Variants in ACSS3 observed in about 807,000 individuals in gnomAD.
The protein encoded by ACSS3 is acyl-CoA synthetase short chain family member 3, also known as acyl-CoA synthetase short-chain family member 3, mitochondrial.
Under a neutral mutation model 84.2 loss-of-function variants are expected in ACSS3, and 64 were observed. The ratio of observed to expected loss-of-function variants is 0.76; its 90% CI spans 0.62 to 0.94. The LOEUF (loss-of-function observed/expected upper bound fraction) is 0.94. Among genes scored for constraint, ACSS3 ranks in the 40% least tolerant of loss-of-function variants. The pLI is 0.00. For missense variants in ACSS3, 815 were observed against 867.6 expected (o/e 0.94, Z 0.76); for synonymous variants, 317 against 310.1 (o/e 1.02, Z -0.23).
rs541488598 is a variant in ACSS3, at chr12:81,251,475, G to T, written c.1720-1832G>T. Among the ~76,000 whole-genome samples the T allele has an allele frequency of 1.6e-4, 25 of 152,096 alleles. 1 individual carries two copies. In the South Asian group the frequency reaches 5.2e-3, roughly 32 times the overall value. Reference sequence around the variant, plus strand: ...TGGGGGAGGCTATGTATATGTAGTGGTAAGATGTATATGAGAATCCTACTT... The same window carrying T: ...TGGGGGAGGCTATGTATATGTAGTGTTAAGATGTATATGAGAATCCTACTT... On this transcript the variant is annotated intron_variant, in intron 13 of 15. Transcript: ENST00000548058.
At chr12:81,168,461 G>A (rs999136695) in intron 7 of ACSS3, among the ~76,000 whole-genome samples, 1 of 152,062 alleles carries the variant, frequency 6.6e-6, no homozygotes, top group African/African-American at 2.4e-5. Flanking sequence ...TCTGAAGTTC[G>A]AGTCAGGAAC....
chr12:81,129,370 A>G (rs1242054151), intron 2 of ACSS3, among the ~76,000 whole-genome samples: 1 of 152,172 alleles, frequency 6.6e-6, no homozygotes, highest in Non-Finnish European at 1.5e-5. Flanking sequence ...TGCCCCTGGG[A>G]ATAGTGAGTT....
intron 3 of ACSS3, among the ~76,000 whole-genome samples, chr12:81,135,693 A>G (rs2574732): frequency 0.87 from 131,684 of 151,688 alleles, 58,715 homozygotes; most frequent in Middle Eastern, 0.97. Context: ...ACGGGGATAA[A>G]GGATGAAAAA....
chr12:81,184,735 G>A (rs1438783368), intron 8 of ACSS3, among the ~76,000 whole-genome samples: 1 of 151,592 alleles, frequency 6.6e-6, no homozygotes, highest in Non-Finnish European at 1.5e-5. Context: ...AGTGATTTGA[G>A]AAGTAATCAA....
chr12:81,080,255 G>T (rs913991255), intron 1 of ACSS3, among the ~76,000 whole-genome samples: 36 of 151,952 alleles, frequency 2.4e-4, no homozygotes, highest in African/African-American at 8.7e-4. Flanking sequence ...CCAGGAGAGA[G>T]CTTTGGAAGT....
chr12:81,250,520 G>T (rs2034119757), intron 13 of ACSS3, among the ~76,000 whole-genome samples: 1 of 151,724 alleles, frequency 6.6e-6, no homozygotes, highest in East Asian at 1.9e-4. Flanking sequence ...TTTCCCATCC[G>T]CTTCTAAAAG....
intron 8 of ACSS3, among the ~76,000 whole-genome samples, chr12:81,182,043 G>T (rs963102999): frequency 6.6e-6 from 1 of 152,100 alleles, no homozygotes; most frequent in Non-Finnish European, 1.5e-5. Context: ...GAGAGATATG[G>T]ATATTCAGAT....
chr12:81,196,048 A>G (rs1281928125), intron 8 of ACSS3, among the ~76,000 whole-genome samples: 1 of 152,224 alleles, frequency 6.6e-6, no homozygotes, highest in African/African-American at 2.4e-5. Flanking sequence ...ATAAAACATT[A>G]AGTAATAGAT....
intron 9 of ACSS3, among the ~76,000 whole-genome samples, chr12:81,209,121 C>A (rs568442384): frequency 6.6e-6 from 1 of 151,966 alleles, no homozygotes; most frequent in African/African-American, 2.4e-5. Flanking sequence ...TTTTAGGCCC[C>A]TGATCTTTAT....
At chr12:81,186,360 G>A (rs978165948) in intron 8 of ACSS3, among the ~76,000 whole-genome samples, 2 of 151,668 alleles carry the variant, frequency 1.3e-5, no homozygotes, top group Non-Finnish European at 3.0e-5. Context: ...TGAATAAATG[G>A]AATTACATGA....
chr12:81,213,610 C>G (rs1311862252), intron 9 of ACSS3, among the ~76,000 whole-genome samples: 1 of 22,182 alleles, frequency 4.5e-5, no homozygotes, highest in Non-Finnish European at 8.8e-5. Context: ...CCCTCCCCTC[C>G]CCTCCCCTCC....
At chr12:81,228,297 T>C (rs2033338540) in intron 11 of ACSS3, among the ~76,000 whole-genome samples, 1 of 151,818 alleles carries the variant, frequency 6.6e-6, no homozygotes, top group Non-Finnish European at 1.5e-5. Flanking sequence ...CCCCATGGTG[T>C]GTTATTCTTA....
chr12:81,232,636 A>T (rs1005058026), intron 12 of ACSS3, among the ~76,000 whole-genome samples: 12 of 151,778 alleles, frequency 7.9e-5, no homozygotes, highest in Admixed American at 6.6e-4. Flanking sequence ...AGAAGGCAGA[A>T]CTCATTTTCC....
intron 15 of ACSS3, among the ~76,000 whole-genome samples, chr12:81,254,106 A>G (rs966131578): frequency 2.0e-5 from 3 of 151,760 alleles, no homozygotes; most frequent in African/African-American, 7.3e-5. Flanking sequence ...TTTCTTTTGT[A>G]TTTATAGAGG....
At chr12:81,177,862 G>T (rs2030609638) in intron 8 of ACSS3, among the ~76,000 whole-genome samples, 1 of 152,164 alleles carries the variant, frequency 6.6e-6, no homozygotes. Context: ...TTACACTGTT[G>T]GTGGGACTGT....
intron 1 of ACSS3, 23 bp downstream of exon 1, chr12:81,078,454 C>T: frequency 6.2e-7 from 1 of 1,609,752 alleles, no homozygotes; most frequent in Non-Finnish European, 8.5e-7. Context: ...TGTGCCAACC[C>T]TGATCCCCCA....
intron 9 of ACSS3, among the ~76,000 whole-genome samples, chr12:81,215,726 C>G (rs1029286386): frequency 6.6e-6 from 1 of 152,150 alleles, no homozygotes; most frequent in Non-Finnish European, 1.5e-5. Flanking sequence ...TATTTTCCTG[C>G]CCTTTCGTAC....
intron 2 of ACSS3, among the ~76,000 whole-genome samples, chr12:81,122,166 CTT>C (rs1884675352): frequency 6.6e-6 from 1 of 151,966 alleles, no homozygotes; most frequent in South Asian, 2.1e-4. Flanking sequence ...CTCCTGACCT[CTT>C]GATCTGCCCT....
intron 7 of ACSS3, among the ~76,000 whole-genome samples, chr12:81,156,099 T>C (rs2135766673): frequency 6.6e-6 from 1 of 152,096 alleles, no homozygotes; most frequent in African/African-American, 2.4e-5. Flanking sequence ...TAAAAAGAGT[T>C]AACAGGAAAA....
Sources: allele counts gnomAD v4.1 joint callset (sites outside exome capture counted in the v4.1 genomes callset), GRCh38; gene constraint gnomAD v4.1.1; transcripts MANE v1.5; gene names NCBI Gene and HGNC (gene_info 2026-07-23, HGNC 2026-07-21).